Variants in ITFG2 observed in about 807,000 individuals in gnomAD.
The protein encoded by ITFG2 is integrin alpha FG-GAP repeat containing 2.
Under a neutral mutation model 54.4 loss-of-function variants are expected in ITFG2, and 36 were observed. The observed-to-expected ratio is 0.66, with a 90% confidence interval of 0.51 to 0.87. The LOEUF is 0.87. Among genes scored for constraint, ITFG2 ranks in the 40% least tolerant of loss-of-function variants. ITFG2 has a pLI of 0.00. For missense variants in ITFG2, 524 were observed against 576.7 expected, an observed-to-expected ratio of 0.91 and a Z score of 0.94; for synonymous variants, 211 against 225.4, an observed-to-expected ratio of 0.94 and a Z score of 0.57.
In ITFG2 at chr12:2,823,879, CA is replaced by C; in HGVS notation, c.1178del (p.Asn393IlefsTer3). The C allele has an allele frequency of 6.2e-7, 1 of 1,613,570 alleles. No homozygotes were observed. Among genetic ancestry groups the C allele is most frequent in the Non-Finnish European group, 8.5e-7 (1 of 1,179,732 alleles). ...TGCAGCTGGAGCGGATGGAGTCTAC[CA>C]ATCTGGTGAAACTGCTGGAGACCAA... ...EVQLERMEST[N>X]LVKLLETKPE... On this transcript the variant is annotated frameshift_variant, in exon 11 of 12. Coordinates refer to ENST00000228799, the MANE Select transcript of ITFG2 (RefSeq NM_018463.4). LOFTEE classifies it high-confidence loss of function.
downstream of ITFG2, chr12:2,831,002 C>A (rs2097999947): frequency 4.0e-6 from 3 of 754,276 alleles, no homozygotes; most frequent in African/African-American, 3.6e-5. Flanking sequence ...CCCTAGGGTC[C>A]CAGATAATGA....
downstream of ITFG2, among the ~76,000 whole-genome samples, chr12:2,829,357 A>G (rs1396019832): frequency 6.6e-6 from 1 of 152,242 alleles, no homozygotes; most frequent in African/African-American, 2.4e-5. Context: ...CCAAACATTC[A>G]TTGAGTATTT....
In ITFG2 at chr12:2,859,676, C is replaced by A. The variant is rs747445536; in HGVS notation, n.763C>A. On this transcript the variant is annotated non_coding_transcript_exon_variant, in exon 4 of 4. Coordinates refer to the ITFG2 transcript ENST00000537710. ...CAGCTAGCAGCACCTGAAAGGGAAA[C>A]AGAGATAAGGTGAACCAACGGTCAC... 6.3e-6 allele frequency: 10 copies of A among 1,593,222 alleles called. No homozygotes were observed. In the East Asian group the frequency reaches 1.8e-4, roughly 28 times the overall value.
chr12:2,847,831 CT>C (rs1480046549), intron 2 of ITFG2, among the ~76,000 whole-genome samples: 1 of 152,198 alleles, frequency 6.6e-6, no homozygotes, highest in Non-Finnish European at 1.5e-5. Context: ...TGTCTGGCTT[CT>C]TTCACTCAGC....
rs182657122 is a variant in ITFG2 at position 2,851,553 on chromosome 12, G to A, written n.301-6459G>A. On this transcript the variant is annotated intron_variant and non_coding_transcript_variant, in intron 2 of 3. Coordinates refer to the ITFG2 transcript ENST00000537710. ...AGACAGGGTTTCGCCATGGTGGCCA[G>A]GCTGGCCTTGAACTCCTGACCTCAG... 2.2e-3 allele frequency among the ~76,000 whole-genome samples: 332 copies of A among 152,210 alleles called. 2 individuals carry two copies. Among genetic ancestry groups the A allele is most frequent in the African/African-American group, 7.6e-3 (316 of 41,534 alleles).
At chr12:2,844,504 A>G (rs1175435757) in intron 2 of ITFG2, among the ~76,000 whole-genome samples, 4 of 152,112 alleles carry the variant, frequency 2.6e-5, no homozygotes, top group Admixed American at 6.5e-5. Context: ...CAGTGAGCCA[A>G]TATCACACCA....
chr12:2,855,642 TCA>T (rs1014236519), intron 2 of ITFG2, among the ~76,000 whole-genome samples: 1 of 152,192 alleles, frequency 6.6e-6, no homozygotes, highest in Non-Finnish European at 1.5e-5. Flanking sequence ...CGTATCATCT[TCA>T]CAGTCACTCA....
intron 3 of ITFG2, chr12:2,858,443 T>A: frequency 1.8e-6 from 1 of 560,770 alleles, no homozygotes; most frequent in South Asian, 2.5e-5. Flanking sequence ...AGCAGAGGAA[T>A]CAGATACTCT....
intron 2 of ITFG2, among the ~76,000 whole-genome samples, chr12:2,851,006 A>T (rs1603489218): frequency 1.8e-5 from 2 of 110,004 alleles, no homozygotes; most frequent in East Asian, 3.0e-4. Flanking sequence ...TTTTTTTGAG[A>T]CAGAGTCTCG....
upstream of ITFG2, chr12:2,834,897 T>G (rs370772434): frequency 2.5e-6 from 4 of 1,613,662 alleles, no homozygotes; most frequent in African/African-American, 2.7e-5. Flanking sequence ...CCTCTCTGCT[T>G]CTTCCTGCCT....
upstream of ITFG2, chr12:2,834,561 C>T: frequency 6.0e-6 from 9 of 1,507,526 alleles, no homozygotes; most frequent in Non-Finnish European, 8.0e-6. Context: ...TCTGCACTTT[C>T]TGGTCCTGCC....
At chr12:2,849,749 G>A (rs1030372063) in intron 2 of ITFG2, among the ~76,000 whole-genome samples, 4 of 152,206 alleles carry the variant, frequency 2.6e-5, no homozygotes, top group Non-Finnish European at 5.9e-5. Flanking sequence ...ATAATGTCGT[G>A]CAGCTAGTAA....
intron 2 of ITFG2, 153 bp from the exon 3 acceptor site, chr12:2,817,756 G>A (rs2097926395): frequency 7.3e-6 from 5 of 687,454 alleles, no homozygotes; most frequent in Admixed American, 3.0e-5. Context: ...GCACAGTAAC[G>A]CCGTTAATAA....
At chr12:2,858,624 G>C in intron 3 of ITFG2, 1 of 1,607,446 alleles carries the variant, frequency 6.2e-7, no homozygotes, top group Non-Finnish European at 8.5e-7. Flanking sequence ...GAGCACAGGG[G>C]CAAGGGCAGG....
chr12:2,820,532 C>G (rs879481746), intron 5 of ITFG2, among the ~76,000 whole-genome samples, 192 bp from the exon 6 acceptor site: 1 of 152,012 alleles, frequency 6.6e-6, no homozygotes, highest in Non-Finnish European at 1.5e-5. Context: ...GTGGAGAGGA[C>G]GGTGCCAGGC....
intron 2 of ITFG2, 122 bp from the exon 3 acceptor site, chr12:2,817,787 A>C (rs2097926587): frequency 4.4e-6 from 4 of 902,102 alleles, no homozygotes; most frequent in Non-Finnish European, 6.8e-6. Flanking sequence ...CATGGTTCAT[A>C]TGGCGAAAGT....
At chr12:2,840,214 C>T (rs778507586) in intron 1 of ITFG2, among the ~76,000 whole-genome samples, 8 of 152,040 alleles carry the variant, frequency 5.3e-5, no homozygotes, top group South Asian at 2.1e-4. Context: ...TTTGGGAGGC[C>T]GAGGTGGGTG....
At chr12:2,834,125 T>C, upstream of ITFG2, among the ~76,000 whole-genome samples, 1 of 152,136 alleles carries the variant, frequency 6.6e-6, no homozygotes, top group Non-Finnish European at 1.5e-5. Flanking sequence ...GGAGCAGCAC[T>C]CAAGGCGGCC....
intron 1 of ITFG2, among the ~76,000 whole-genome samples, chr12:2,838,046 A>G (rs1208233419): frequency 6.6e-6 from 1 of 152,104 alleles, no homozygotes; most frequent in Non-Finnish European, 1.5e-5. Context: ...CTTCATTTAG[A>G]CTTAGCTTTA....
Sources: allele counts gnomAD v4.1 joint callset (sites outside exome capture counted in the v4.1 genomes callset), GRCh38; gene constraint gnomAD v4.1.1; transcripts MANE v1.5; gene names NCBI Gene and HGNC (gene_info 2026-07-23, HGNC 2026-07-21).